Variants in ANK2 observed in about 807,000 individuals in gnomAD.
ANK2 encodes the protein ankyrin-2.
Under a neutral mutation model 360.5 loss-of-function variants are expected in ANK2, and 83 were observed. The ratio of observed to expected loss-of-function variants is 0.23; its 90% confidence interval spans 0.19 to 0.28. ANK2 has a LOEUF of 0.28. Ranked by LOEUF, ANK2 falls within the 10% of genes least tolerant of loss-of-function variation. The probability of loss-of-function intolerance (pLI) is 1.00; values close to 1 mark genes in which losing one functional copy is unlikely to be tolerated. For missense variants in ANK2, 4,201 were observed against 4,795.7 expected (o/e 0.88, Z 3.66); for synonymous variants, 1,740 against 1,759.5 (o/e 0.99, Z 0.28).
At chr4:113,177,369 C>T (rs533197111) in intron 2 of ANK2, among the ~76,000 whole-genome samples, 5 of 152,256 alleles carry the variant, frequency 3.3e-5, no homozygotes, top group Non-Finnish European at 7.4e-5. Flanking sequence ...CGTGAGCCAC[C>T]GCGCCCGGCC....
chr4:113,035,825 CA>C lies in ANK2; in HGVS notation c.21+131315del, dbSNP rs2061466388. On this transcript the variant is annotated intron_variant, in intron 2 of 30. Transcript: ENST00000503271. ...CTAAAATGTGTTAACAAAGGAAAAA[CA>C]AAATGTTTTATACTGGATATGAGAA... Among the ~76,000 whole-genome samples, 3 of 151,752 alleles carry C rather than the reference CA, an allele frequency of 2.0e-5. 1 individual carries two copies. The South Asian group carries it at 6.2e-4, about 32-fold the overall frequency.
At chr4:112,746,017 A>T in the ANK2 span, among the ~76,000 whole-genome samples, 1 of 151,720 alleles carries the variant, frequency 6.6e-6, no homozygotes, top group Non-Finnish European at 1.5e-5. Flanking sequence ...TTTTTCAATA[A>T]TCCTGTCCTC....
At chr4:112,719,429 A>T in the ANK2 span, among the ~76,000 whole-genome samples, 1 of 152,146 alleles carries the variant, frequency 6.6e-6, no homozygotes, top group Admixed American at 6.5e-5. Flanking sequence ...GATGATTTCA[A>T]TAAAGAAGGT....
chr4:113,171,676 G>A (rs1234138090), intron 1 of ANK2, among the ~76,000 whole-genome samples: 1 of 152,130 alleles, frequency 6.6e-6, no homozygotes, highest in African/African-American at 2.4e-5. Flanking sequence ...AACACTGGGA[G>A]CATTGTTTGC....
chr4:112,966,176 T>C (rs2037146431), intron 2 of ANK2, among the ~76,000 whole-genome samples: 1 of 151,742 alleles, frequency 6.6e-6, no homozygotes, highest in Non-Finnish European at 1.5e-5. Flanking sequence ...ATGTTTCCTT[T>C]TCTTTGTGAA....
At chr4:113,251,822 T>G (rs2046602144) in intron 10 of ANK2, among the ~76,000 whole-genome samples, 1 of 151,632 alleles carries the variant, frequency 6.6e-6, no homozygotes, top group Non-Finnish European at 1.5e-5. Context: ...CAGAAATTAG[T>G]GGGCATGATA....
At chr4:113,308,579 C>T in intron 23 of ANK2, among the ~76,000 whole-genome samples, 1 of 152,014 alleles carries the variant, frequency 6.6e-6, no homozygotes, top group East Asian at 1.9e-4. Context: ...GGGGGAAGAC[C>T]AGGAGAGATT....
chr4:112,868,587 A>G (rs910160656), intron 1 of ANK2, among the ~76,000 whole-genome samples: 8 of 152,228 alleles, frequency 5.3e-5, no homozygotes, highest in African/African-American at 1.9e-4. Context: ...TTAAATTTCA[A>G]TGTAAGCTTT....
At chr4:113,098,629 A>G (rs1422614108) in intron 1 of ANK2, among the ~76,000 whole-genome samples, 3 of 152,034 alleles carry the variant, frequency 2.0e-5, no homozygotes, top group African/African-American at 4.8e-5. Context: ...TATGATAACA[A>G]TTCTCTACAA....
intron 1 of ANK2, among the ~76,000 whole-genome samples, chr4:112,824,425 C>T (rs2057940245): frequency 6.6e-6 from 1 of 151,734 alleles, no homozygotes; most frequent in African/African-American, 2.4e-5. Flanking sequence ...TGGTCTTGAA[C>T]TCCTGGCTTC....
At chr4:112,781,776 CTA>C in the ANK2 span, among the ~76,000 whole-genome samples, 16 of 150,126 alleles carry the variant, frequency 1.1e-4, no homozygotes, top group Non-Finnish European at 2.4e-4. Context: ...TTAACAGTGA[CTA>C]TTTTTGATAA....
At chr4:112,726,112 G>C in the ANK2 span, among the ~76,000 whole-genome samples, 5 of 152,096 alleles carry the variant, frequency 3.3e-5, no homozygotes, top group African/African-American at 1.2e-4. Flanking sequence ...TGGGGAAAGA[G>C]CATTTCAGCA....
chr4:113,165,106 G>A (rs1025584650), intron 1 of ANK2, among the ~76,000 whole-genome samples: 1 of 152,072 alleles, frequency 6.6e-6, no homozygotes, highest in Non-Finnish European at 1.5e-5. Context: ...CCATGCTTGG[G>A]CCTATATTCA....
chr4:113,295,825 G>C (rs984382115), intron 22 of ANK2, among the ~76,000 whole-genome samples: 2 of 152,038 alleles, frequency 1.3e-5, no homozygotes, highest in African/African-American at 4.8e-5. Context: ...TTCACTGTCT[G>C]CTGCTCTTTG....
chr4:113,019,948 G>T lies in ANK2; in HGVS notation c.21+115434G>T, dbSNP rs1217108973. On this transcript the variant is annotated intron_variant, in intron 2 of 30. Coordinates refer to the ANK2 transcript ENST00000503271. ...GTATAGATAAGGGGCAAACTTCAAAGATTGGATATTGTTTATTATGTGAAA... is the reference window on the plus strand; with the variant it reads ...GTATAGATAAGGGGCAAACTTCAAATATTGGATATTGTTTATTATGTGAAA... Among the ~76,000 whole-genome samples, 5 of 151,914 alleles carry T rather than the reference G, an allele frequency of 3.3e-5. No individual in the cohort carries two copies. The East Asian group carries it at 9.6e-4, about 29-fold the overall frequency.
chr4:112,710,049 C>T, the ANK2 span, among the ~76,000 whole-genome samples: 3 of 152,128 alleles, frequency 2.0e-5, no homozygotes, highest in Non-Finnish European at 4.4e-5. Flanking sequence ...TACAGTGAGC[C>T]AAGCATGGTG....
intron 17 of ANK2, among the ~76,000 whole-genome samples, chr4:113,279,770 C>A (rs1053707591): frequency 1.3e-5 from 2 of 150,382 alleles, no homozygotes; most frequent in African/African-American, 4.9e-5. Context: ...ATATTTATAT[C>A]TTTTTGATGC....
At chr4:112,917,196 A>G (rs1172087570) in intron 2 of ANK2, among the ~76,000 whole-genome samples, 1 of 152,246 alleles carries the variant, frequency 6.6e-6, no homozygotes, top group Non-Finnish European at 1.5e-5. Context: ...ACTTTCTGCT[A>G]AAGTGACAAG....
intron 1 of ANK2, among the ~76,000 whole-genome samples, chr4:112,878,025 A>G (rs2075627053): frequency 6.6e-6 from 1 of 152,202 alleles, no homozygotes; most frequent in African/African-American, 2.4e-5. Flanking sequence ...TGACTATCTT[A>G]TCATTTTATG....
Sources: allele counts gnomAD v4.1 joint callset (sites outside exome capture counted in the v4.1 genomes callset), GRCh38; gene constraint gnomAD v4.1.1; transcripts MANE v1.5; gene names NCBI Gene and HGNC (gene_info 2026-07-23, HGNC 2026-07-21).